The following TEKT2 variants were observed in gnomAD, a reference collection of about 807,000 sequenced individuals.
TEKT2 encodes the protein tektin 2.
TEKT2 carries 45 observed loss-of-function variants against 49.8 expected under a neutral mutation model. The observed-to-expected ratio is 0.90, with a 90% CI of 0.71 to 1.16. The LOEUF (loss-of-function observed/expected upper bound fraction) is 1.16, where lower values mean the gene tolerates loss of function less well. TEKT2 is among the 50% of genes most tolerant of loss of function. The pLI is 0.00. For synonymous variants in TEKT2, 202 were observed against 224.6 expected, an observed-to-expected ratio of 0.90 and a Z score of 0.90; for missense variants, 523 against 551.4, an observed-to-expected ratio of 0.95 and a Z score of 0.52.
intron 4 of TEKT2, 96 bp downstream of exon 4, chr1:36,086,137 C>A: frequency 7.2e-7 from 1 of 1,398,390 alleles, no homozygotes; most frequent in Non-Finnish European, 9.9e-7. Flanking sequence ...GAGCAACTGG[C>A]TCTCGTGCTA....
rs983387060 is a variant in TEKT2, at chr1:36,087,772, C to T, written c.1044C>T (p.Thr348=). 6.8e-6 allele frequency: 11 copies of T among 1,613,742 alleles called. No individual in the cohort carries two copies. Among genetic ancestry groups the T allele is most frequent in the Middle Eastern group, 3.3e-4 (2 of 6,084 alleles). Residue 348 remains threonine, a synonymous_variant, in exon 9 of 10, where the codon ACC becomes ACT. Transcript: ENST00000207457. This position sits in a 1 kb window ranked among gnomAD's most constrained non-coding sequence, Gnocchi z 4.9. The part of the protein sequence containing the change: ...LTDEVHQLEA[T]IAALKQKLAQ... ...ACGAGGTTCACCAGCTAGAGGCAAC[C>T]ATCGCTGCCCTGAAGCAGAAGCTGG...
At position 36,084,950 on chromosome 1, in the gene TEKT2, G is replaced by A. The variant is rs367817474; in HGVS notation, c.29G>A (p.Arg10Gln). Residue 10 changes from arginine (R) to glutamine (Q), a missense_variant, in exon 2 of 10, where the codon CGG (arginine) becomes CAG (glutamine). Coordinates refer to ENST00000207457, the MANE Select transcript of TEKT2 (RefSeq NM_014466.3). This position sits in a 1 kb window ranked among gnomAD's most constrained non-coding sequence, Gnocchi z 4.1. MATLSVKPS[R>Q]RFQLPDWHTN... ...GCCACGCTGAGCGTCAAGCCAAGTC[G>A]GCGCTTCCAGCTGCCCGACTGGCAC... is the stretch of plus-strand genomic sequence containing the variant. 338 of 1,614,032 alleles carry A rather than the reference G, an allele frequency of 2.1e-4. No individual in the cohort carries two copies. The highest frequency in any genetic ancestry group is 1.3e-3 in the South Asian group (122 of 91,078).
rs142743253 is a variant in TEKT2, at chr1:36,087,257, G to A, written c.801G>A (p.Lys267=). ...TTGCAACGGAATTTGCCTTCAGGAA[G>A]CGGCTGCGGGAGATGGAGAAAGTGT... The part of the protein sequence containing the change: ...QRVATEFAFR[K]RLREMEKVYS... The change falls in exon 7 of 10, where the codon AAG becomes AAA. Residue 267 remains lysine (K), a synonymous_variant. Coordinates refer to ENST00000207457, the MANE Select transcript of TEKT2 (RefSeq NM_014466.3). The surrounding 1 kb of genome is among the most constrained non-coding windows in gnomAD (Gnocchi z 4.9). The A allele has an allele frequency of 1.9e-5, 31 of 1,614,172 alleles. No homozygotes were observed. The highest frequency in any genetic ancestry group is 1.8e-4 in the South Asian group (16 of 91,090).
rs757267665 is a variant in TEKT2, at chr1:36,085,676, C to T, written c.283-160C>T. On this transcript the variant is annotated intron_variant, in intron 3 of 9. Coordinates refer to ENST00000207457, the MANE Select transcript of TEKT2 (RefSeq NM_014466.3). ...CTGGGACTACAGGCGTGCGCCATCA[C>T]TCCCAGCTAATTTTTGTATTTTTAG... is the stretch of plus-strand genomic sequence containing the variant. 3.5e-5 allele frequency: 27 copies of T among 763,350 alleles called. 1 individual carries two copies. The highest frequency in any genetic ancestry group is 4.8e-5 in the Non-Finnish European group (22 of 455,656). The allele number at this position is 763,350 out of a possible 1,614,324, so 47.3% of individuals were successfully genotyped here. A position where few individuals can be genotyped will look rare whatever the true frequency, so the allele number is the denominator to read the frequency against.
intron 4 of TEKT2, 75 bp downstream of exon 4, chr1:36,086,116 T>C (rs1643369376): frequency 1.3e-6 from 2 of 1,501,664 alleles, no homozygotes; most frequent in African/African-American, 1.4e-5. Flanking sequence ...AACACAGGTA[T>C]TGTGGATGAG....
In TEKT2 at chr1:36,087,220, A is replaced by C; in HGVS notation, c.764A>C (p.Glu255Ala). The change falls in exon 7 of 10, where the codon GAA (glutamate) becomes GCA (alanine). Residue 255 changes from glutamate (E) to alanine (A), a missense_variant. Physicochemically the swap from Glu to Ala is moderately radical, Grantham distance 107. Coordinates refer to ENST00000207457, the MANE Select transcript of TEKT2 (RefSeq NM_014466.3). This position sits in a 1 kb window ranked among gnomAD's most constrained non-coding sequence, Gnocchi z 4.9. ...CTCCTTCAGACCAACAACGAGCTTG[A>C]AGCCCAGAGAGTTGCAACGGAATTT... is the stretch of plus-strand genomic sequence containing the variant. The part of the protein sequence containing the change: ...LTIAETNNEL[E>A]AQRVATEFAF... The C allele has an allele frequency of 6.2e-7, 1 of 1,614,156 alleles. No homozygotes were observed. Among genetic ancestry groups the C allele is most frequent in the Non-Finnish European group, 8.5e-7 (1 of 1,180,034 alleles).
In TEKT2 at chr1:36,084,641, C is replaced by T. The variant is rs1569996489; in HGVS notation, c.-52-229C>T. ...CCGGGACTCCATTATTCCTTTTTAC[C>T]TGCTCCAGGACCTGCAAGGTCCAGG... On this transcript the variant is annotated intron_variant, in intron 1 of 9. Coordinates refer to ENST00000207457, the MANE Select transcript of TEKT2 (RefSeq NM_014466.3). This position sits in a 1 kb window ranked among gnomAD's most constrained non-coding sequence, Gnocchi z 4.1. 1 of 555,040 alleles carries T rather than the reference C, an allele frequency of 1.8e-6. No individual in the cohort carries two copies. The highest frequency in any genetic ancestry group is 3.1e-5 in the East Asian group (1 of 32,066). 34.4% of individuals were successfully genotyped at this position (555,040 alleles called of 1,614,324 possible).
chr1:36,085,507 CTTTTTTTTTTTT>C (rs1159834731), intron 3 of TEKT2, among the ~76,000 whole-genome samples: 4 of 82,554 alleles, frequency 4.8e-5, no homozygotes, highest in Non-Finnish European at 8.4e-5. Flanking sequence ...TCTTTCTTTT[CTTTTTTTTTTTT>C]TTTTTTTTTT....
Position 36,085,639 on chromosome 1 carries a change from TGAGTA to T in TEKT2, c.283-196_283-192del. 6 of 631,932 alleles carry T rather than the reference TGAGTA, an allele frequency of 9.5e-6. 1 individual carries two copies. In the South Asian group the frequency reaches 1.1e-4, roughly 11 times the overall value. 39.1% of individuals were successfully genotyped at this position (631,932 alleles called of 1,614,324 possible). A position where few individuals can be genotyped will look rare whatever the true frequency, so the allele number is the denominator to read the frequency against. On this transcript the variant is annotated intron_variant, in intron 3 of 9. Transcript: ENST00000207457. Reference sequence around the variant, plus strand: ...AAGCGATTCTCCTGCCTCAGCCTCCTGAGTAAAGTAGCTGGGACTACAGGCGTGCG... The same window carrying T: ...AAGCGATTCTCCTGCCTCAGCCTCCTAAGTAGCTGGGACTACAGGCGTGCG...
At position 36,088,170 on chromosome 1, in the gene TEKT2, A is replaced by AGCTGG; in HGVS notation, c.1278_1282dup (p.Glu428GlyfsTer?). On this transcript the variant is annotated frameshift_variant, in exon 10 of 10. Coordinates refer to ENST00000207457, the MANE Select transcript of TEKT2 (RefSeq NM_014466.3). LOFTEE classifies it high-confidence loss of function. ...ACCCTGAGTCCACTCAAAAGCTGCC[A>AGCTGG]GCTGGAGCTGGCCTAGCCTTGGAGG... is the stretch of plus-strand genomic sequence containing the variant. The AGCTGG allele has an allele frequency of 6.3e-7, 1 of 1,590,274 alleles. No individual in the cohort carries two copies. The highest frequency in any genetic ancestry group is 8.6e-7 in the Non-Finnish European group (1 of 1,165,856).
In TEKT2 at chr1:36,086,966, G is replaced by A. The variant is rs754180810; in HGVS notation, c.668G>A (p.Arg223Gln). 6 of 1,613,890 alleles carry A rather than the reference G, an allele frequency of 3.7e-6. No homozygotes were observed. Among genetic ancestry groups the A allele is most frequent in the East Asian group, 2.2e-5 (1 of 44,880 alleles). ...TTLQQWDDFS[R>Q]FNKDRAEAEM... ...CTCCAGCAGTGGGATGACTTCAGTC[G>A]GTTCAACAAGGACCGAGCGGAGGCT... Residue 223 changes from arginine (R) to glutamine (Q), a missense_variant, in exon 6 of 10, where the codon CGG becomes CAG. Physicochemically the swap from Arg to Gln is conservative, Grantham distance 43. Transcript: ENST00000207457.
At chr1:36,085,490 TTTTC>T (rs1172594306) in intron 3 of TEKT2, among the ~76,000 whole-genome samples, 45 of 151,236 alleles carry the variant, frequency 3.0e-4, no homozygotes, top group South Asian at 1.0e-3. Flanking sequence ...TTTTCTTTTT[TTTTC>T]TTTCTTTCTT....
Position 36,084,578 on chromosome 1 carries a change from C to T in TEKT2, c.-52-292C>T. The T allele has an allele frequency of 7.1e-6, 3 of 423,688 alleles. No individual in the cohort carries two copies. The South Asian group carries it at 7.8e-5, about 11-fold the overall frequency. The allele number at this position is 423,688 out of a possible 1,614,324, so 26.2% of individuals were successfully genotyped here. A position where few individuals can be genotyped will look rare whatever the true frequency, so the allele number is the denominator to read the frequency against. On this transcript the variant is annotated intron_variant, in intron 1 of 9. Transcript: ENST00000207457. The surrounding 1 kb of genome is among the most constrained non-coding windows in gnomAD (Gnocchi z 4.1). ...AATTTTTTTCTGCCATCCGCCTACC[C>T]CCCAGGCATTTGGCACTTCACACAC...
rs1643347000 is a variant in TEKT2, at chr1:36,085,082, G to C, written c.156+5G>C. On this transcript the variant is annotated splice_donor_5th_base_variant and intron_variant, in intron 2 of 9. Coordinates refer to ENST00000207457, the MANE Select transcript of TEKT2 (RefSeq NM_014466.3). ...CGCAACGAGACCAACAACCAGGTTGGGGATGGGAACTCAGCTGGGTGGGCA... is the reference window on the plus strand; with the variant it reads ...CGCAACGAGACCAACAACCAGGTTGCGGATGGGAACTCAGCTGGGTGGGCA... 1 of 1,614,190 alleles carries C rather than the reference G, an allele frequency of 6.2e-7. No homozygotes were observed. Among genetic ancestry groups the C allele is most frequent in the Non-Finnish European group, 8.5e-7 (1 of 1,180,056 alleles).
At position 36,084,729 on chromosome 1, in the gene TEKT2, G is replaced by A; in HGVS notation, c.-52-141G>A. On this transcript the variant is annotated intron_variant, in intron 1 of 9. Coordinates refer to ENST00000207457, the MANE Select transcript of TEKT2 (RefSeq NM_014466.3). This position sits in a 1 kb window ranked among gnomAD's most constrained non-coding sequence, Gnocchi z 4.1. ...TAGTTAATACCTCACACAAAGTTGA[G>A]TAAAGCAAGGGCTGTCTCCAAGCAG... The A allele has an allele frequency of 1.3e-6, 1 of 770,678 alleles. No individual in the cohort carries two copies. The highest frequency in any genetic ancestry group is 2.2e-6 in the Non-Finnish European group (1 of 461,334). The allele number at this position is 770,678 out of a possible 1,614,324, so 47.7% of individuals were successfully genotyped here. A position where few individuals can be genotyped will look rare whatever the true frequency, so the allele number is the denominator to read the frequency against.
In TEKT2 at chr1:36,086,855, G is replaced by A; in HGVS notation, c.632+8G>A. 1 of 1,614,154 alleles carries A rather than the reference G, an allele frequency of 6.2e-7. No individual in the cohort carries two copies. The highest frequency in any genetic ancestry group is 1.1e-5 in the South Asian group (1 of 91,076). On this transcript the variant is annotated splice_region_variant and intron_variant, in intron 5 of 9. Coordinates refer to ENST00000207457, the MANE Select transcript of TEKT2 (RefSeq NM_014466.3). ...CACACGTGTACCTGATGGGTAAGAA[G>A]AGTGTTTCAGCCAGTCTCTTCTCCT...
At position 36,087,069 on chromosome 1, in the gene TEKT2, G is replaced by A; in HGVS notation, c.747+24G>A. The A allele has an allele frequency of 1.9e-6, 3 of 1,612,082 alleles. No homozygotes were observed. Among genetic ancestry groups the A allele is most frequent in the Non-Finnish European group, 2.5e-6 (3 of 1,178,728 alleles). On this transcript the variant is annotated intron_variant, in intron 6 of 9. Coordinates refer to ENST00000207457, the MANE Select transcript of TEKT2 (RefSeq NM_014466.3). This position sits in a 1 kb window ranked among gnomAD's most constrained non-coding sequence, Gnocchi z 4.9. ...AGGTGACAGGCCACCCACAGCTAAT[G>A]GATGGTCCCAGTGTGCGCTCAGCCC...
Position 36,087,679 on chromosome 1 carries a change from G to T in TEKT2, c.1000-49G>T, listed in dbSNP as rs376282459. 3.7e-6 allele frequency: 6 copies of T among 1,612,384 alleles called. No individual in the cohort carries two copies. The African/African-American group carries it at 6.7e-5, about 18-fold the overall frequency. On this transcript the variant is annotated intron_variant, in intron 8 of 9. Coordinates refer to ENST00000207457, the MANE Select transcript of TEKT2 (RefSeq NM_014466.3). The surrounding 1 kb of genome is among the most constrained non-coding windows in gnomAD (Gnocchi z 4.9). ...ACTGCTGTCAAGGGGCAGCACTCAGGTAAAGGACAGTGTGGCTGACTTGGA... is the reference window on the plus strand; with the variant it reads ...ACTGCTGTCAAGGGGCAGCACTCAGTTAAAGGACAGTGTGGCTGACTTGGA...
Position 36,088,092 on chromosome 1 carries a change from C to T in TEKT2, c.1199C>T (p.Pro400Leu). The change falls in exon 10 of 10, where the codon CCT becomes CTT. Residue 400 changes from proline to leucine, a missense_variant. Physicochemically the swap from Pro to Leu is moderately conservative, Grantham distance 98 (BLOSUM62 -3). Coordinates refer to ENST00000207457, the MANE Select transcript of TEKT2 (RefSeq NM_014466.3). The stretch of plus-strand genomic sequence containing the variant: ...GACACACGGCGCAAGCTGACCGTGC[C>T]TGCTGAGAGGTTCGTGCCTGAGGTG... ...CMDTRRKLTV[P>L]AERFVPEVDT... 3 of 1,613,108 alleles carry T rather than the reference C, an allele frequency of 1.9e-6. No individual in the cohort carries two copies. The highest frequency in any genetic ancestry group is 2.5e-6 in the Non-Finnish European group (3 of 1,179,928).
Sources: allele counts gnomAD v4.1 joint callset (sites outside exome capture counted in the v4.1 genomes callset), GRCh38; gene constraint gnomAD v4.1.1; non-coding constraint Gnocchi (gnomAD v3.1); transcripts MANE v1.5; gene names NCBI Gene and HGNC (gene_info 2026-07-23, HGNC 2026-07-21).